The following SESTD1 variants were observed in gnomAD, a reference collection of about 807,000 sequenced individuals.
SESTD1 encodes SEC14 and spectrin domain containing 1.
In SESTD1, 43 loss-of-function variants were observed where a neutral mutation model predicts 101.7. The observed-to-expected ratio is 0.42, with a 90% CI of 0.33 to 0.55. SESTD1 has a LOEUF of 0.55. Ranked by LOEUF, SESTD1 falls within the 20% of genes least tolerant of loss-of-function variation. The pLI is 0.07. For synonymous variants in SESTD1, 283 were observed against 286.8 expected (o/e 0.99, Z 0.13); for missense variants, 647 against 815.1 (o/e 0.79, Z 2.51).
chr2:179,181,003 T>C (rs958713641), intron 3 of SESTD1, among the ~76,000 whole-genome samples: 1 of 152,218 alleles, frequency 6.6e-6, no homozygotes. Flanking sequence ...GTATCTATTT[T>C]GCCTTGCTAG....
In SESTD1 at chr2:179,201,516, A is replaced by G. The variant is rs1163592268; in HGVS notation, c.-25-9650T>C. ...TTATCCACAATAGCAAAGGCTTGGA[A>G]CCAACCCAAATGTCCAACAATGATA... On this transcript the variant is annotated intron_variant, in intron 1 of 17. Transcript: ENST00000428443. Among the ~76,000 whole-genome samples the G allele has an allele frequency of 3.8e-5, 5 of 133,296 alleles. 2 individuals carry two copies. The highest frequency in any genetic ancestry group is 1.5e-4 in the African/African-American group (5 of 33,100). The allele number at this position is 133,296 out of a possible 152,430, so 87.4% of individuals were successfully genotyped here.
At chr2:179,120,472 C>A (rs1010530553) in intron 13 of SESTD1, among the ~76,000 whole-genome samples, 3 of 152,106 alleles carry the variant, frequency 2.0e-5, no homozygotes, top group Non-Finnish European at 2.9e-5. Context: ...GGGAATCTGG[C>A]CTCAGAACAA....
chr2:179,152,023 T>A (rs540482982), intron 5 of SESTD1, among the ~76,000 whole-genome samples: 1 of 152,102 alleles, frequency 6.6e-6, no homozygotes, highest in East Asian at 1.9e-4. Flanking sequence ...AAGAGACCAC[T>A]GCAGAACTAA....
At chr2:179,163,141 T>C (rs2045770899) in intron 5 of SESTD1, among the ~76,000 whole-genome samples, 1 of 152,198 alleles carries the variant, frequency 6.6e-6, no homozygotes, top group Non-Finnish European at 1.5e-5. Flanking sequence ...TTGGCAATCT[T>C]TTCCTATAAA....
intron 1 of SESTD1, among the ~76,000 whole-genome samples, chr2:179,192,451 T>C (rs1411480262): frequency 6.6e-6 from 1 of 152,212 alleles, no homozygotes; most frequent in Non-Finnish European, 1.5e-5. Context: ...TGTTTCAATT[T>C]TTGCCCCCAT....
intron 5 of SESTD1, among the ~76,000 whole-genome samples, chr2:179,165,896 T>A (rs191887755): frequency 1.3e-5 from 2 of 152,310 alleles, no homozygotes; most frequent in Admixed American, 1.3e-4. Flanking sequence ...GCTCCAACTC[T>A]TACATAACAA....
intron 2 of SESTD1, among the ~76,000 whole-genome samples, chr2:179,188,067 T>C (rs1277838040): frequency 6.6e-6 from 1 of 152,186 alleles, no homozygotes; most frequent in Non-Finnish European, 1.5e-5. Context: ...AATTTGACAC[T>C]TGACCAACTG....
At chr2:179,173,066 G>C (rs6433766) in intron 4 of SESTD1, among the ~76,000 whole-genome samples, 24,946 of 152,006 alleles carry the variant, frequency 0.16, 3,435 homozygotes, top group African/African-American at 0.38. Context: ...ACCTTCCCCT[G>C]CTAGCTCACT....
Position 179,124,427 on chromosome 2 carries a change from A to T in SESTD1, c.1104T>A (p.Ser368Arg). 1 of 1,614,120 alleles carries T rather than the reference A, an allele frequency of 6.2e-7. No individual in the cohort carries two copies. The highest frequency in any genetic ancestry group is 1.1e-5 in the South Asian group (1 of 91,074). ...QLSDVCYRQA[S>R]QLEFRQNLLQ... Reference sequence around the variant, plus strand: ...AGAGATTTTGCCTAAATTCCAGCTGACTGGCCTGTCGATAACAAACATCAC... The same window carrying T: ...AGAGATTTTGCCTAAATTCCAGCTGTCTGGCCTGTCGATAACAAACATCAC... The change falls in exon 11 of 18, where the codon AGT becomes AGA. Residue 368 changes from serine (S) to arginine (R), a missense_variant. Coordinates refer to ENST00000428443, the MANE Select transcript of SESTD1 (RefSeq NM_178123.5).
rs564917710 is a variant in SESTD1 at position 179,155,548 on chromosome 2, C to T, written c.370-4157G>A. ...AGAGGACTGCTTGAGCCCAGGATTT[C>T]GAGACTGCAGTGAGCTATGATCGTG... On this transcript the variant is annotated intron_variant, in intron 5 of 17. Coordinates refer to ENST00000428443, the MANE Select transcript of SESTD1 (RefSeq NM_178123.5). Among the ~76,000 whole-genome samples the T allele has an allele frequency of 1.5e-4, 23 of 151,830 alleles. No individual in the cohort carries two copies. The South Asian group carries it at 4.0e-3, about 26-fold the overall frequency.
intron 1 of SESTD1, among the ~76,000 whole-genome samples, chr2:179,202,938 T>C (rs1325364152): frequency 7.4e-6 from 1 of 134,646 alleles, no homozygotes; most frequent in Non-Finnish European, 1.6e-5. Context: ...AGGTAGGGCC[T>C]ACTCCATGCC....
Position 179,171,670 on chromosome 2 carries a change from AAG to A in SESTD1, c.369+448_369+449del, listed in dbSNP as rs2045932741. On this transcript the variant is annotated intron_variant, in intron 5 of 17. Coordinates refer to ENST00000428443, the MANE Select transcript of SESTD1 (RefSeq NM_178123.5). ...ATGCACTATCACACAAGGAAAGTAA[AAG>A]AGAGAAATAAAAAGTCAGTAGGAAA... Among the ~76,000 whole-genome samples the A allele has an allele frequency of 4.6e-5, 7 of 152,318 alleles. No individual in the cohort carries two copies. In the South Asian group the frequency reaches 1.5e-3, roughly 32 times the overall value.
intron 13 of SESTD1, 39 bp downstream of exon 13, chr2:179,121,731 T>C (rs1251427514): frequency 6.7e-7 from 1 of 1,500,830 alleles, no homozygotes; most frequent in Non-Finnish European, 8.9e-7. Context: ...CTAATATTGT[T>C]ATTATTTTAG....
chr2:179,109,148 A>C lies in SESTD1; in HGVS notation c.*751T>G, dbSNP rs976335568. 3 of 147,770 alleles carry C rather than the reference A, an allele frequency of 2.0e-5. No homozygotes were observed. The highest frequency in any genetic ancestry group is 2.0e-4 in the Admixed American group (3 of 15,092). 9.2% of individuals were successfully genotyped at this position (147,770 alleles called of 1,614,324 possible). A position where few individuals can be genotyped will look rare whatever the true frequency, so the allele number is the denominator to read the frequency against. ...TAATTTTTCATGATAAAACATGCTT[A>C]TTTATTATATACACATGCTTACATA... On this transcript the variant is annotated 3_prime_UTR_variant, in exon 18 of 18. Coordinates refer to ENST00000428443, the MANE Select transcript of SESTD1 (RefSeq NM_178123.5).
At chr2:179,260,295 T>G (rs1304421463) in intron 1 of SESTD1, among the ~76,000 whole-genome samples, 1 of 152,164 alleles carries the variant, frequency 6.6e-6, no homozygotes, top group African/African-American at 2.4e-5. Flanking sequence ...GTAGGCAGAT[T>G]GCTTGAGCTC....
At chr2:179,156,142 GTA>G (rs531450569) in intron 5 of SESTD1, among the ~76,000 whole-genome samples, 28 of 151,462 alleles carry the variant, frequency 1.8e-4, no homozygotes, top group Non-Finnish European at 3.4e-4. Context: ...ACGTATATAT[GTA>G]TATATATGTG....
At chr2:179,110,099 A>G (rs2044474947) in intron 17 of SESTD1, 71 bp from the exon 18 acceptor site, 1 of 1,502,858 alleles carries the variant, frequency 6.7e-7, no homozygotes, top group African/African-American at 1.4e-5. Flanking sequence ...TACAAATAGA[A>G]GCAAAAATTT....
At chr2:179,206,705 T>C (rs2046595165) in intron 1 of SESTD1, among the ~76,000 whole-genome samples, 1 of 134,858 alleles carries the variant, frequency 7.4e-6, no homozygotes, top group Non-Finnish European at 1.6e-5. Flanking sequence ...GAAGTGCAGA[T>C]ACAAGCACAG....
intron 13 of SESTD1, among the ~76,000 whole-genome samples, chr2:179,120,767 GGA>G (rs1403497846): frequency 1.3e-5 from 2 of 152,186 alleles, no homozygotes; most frequent in African/African-American, 4.8e-5. Flanking sequence ...AGGTAGTGGG[GGA>G]AGTAGTATGA....
Sources: gnomAD v4.1 joint callset for allele counts (sites outside exome capture counted in the v4.1 genomes callset) on GRCh38, gnomAD v4.1.1 for gene constraint, MANE v1.5 for transcripts, NCBI Gene and HGNC (gene_info 2026-07-23, HGNC 2026-07-21) for gene names.